Variants in SGCD observed in about 807,000 individuals in gnomAD.
The protein encoded by SGCD is delta-sarcoglycan.
A neutral mutation model predicts 36.6 loss-of-function variants in SGCD; 18 were observed. That is an observed-to-expected ratio of 0.49 (90% confidence interval 0.34 to 0.73). The LOEUF (loss-of-function observed/expected upper bound fraction) is 0.73. SGCD is among the 30% of genes least tolerant of loss of function. The probability of loss-of-function intolerance (pLI) is 0.01; values close to 1 mark genes in which losing one functional copy is unlikely to be tolerated. For synonymous variants in SGCD, 133 were observed against 130.6 expected (o/e 1.02, Z -0.12); for missense variants, 387 against 346.7 (o/e 1.12, Z -0.92).
chr5:155,878,932 T>A (rs1293736761), intron 1 of SGCD, among the ~76,000 whole-genome samples: 1 of 152,148 alleles, frequency 6.6e-6, no homozygotes, highest in Non-Finnish European at 1.5e-5. Flanking sequence ...TTGGCTTTGT[T>A]TGTTAGCGTC....
intron 1 of SGCD, among the ~76,000 whole-genome samples, chr5:155,931,596 G>C (rs909136190): frequency 3.3e-5 from 5 of 152,256 alleles, no homozygotes; most frequent in African/African-American, 4.8e-5. Context: ...TTGAACATGT[G>C]TTTCTGGTAT....
chr5:156,690,171 C>T (rs556698369), intron 7 of SGCD, among the ~76,000 whole-genome samples: 1 of 152,218 alleles, frequency 6.6e-6, no homozygotes, highest in East Asian at 1.9e-4. Context: ...CTATACTAGC[C>T]CTGTTCTACA....
At chr5:156,310,766 C>G (rs1439394378) in intron 3 of SGCD, among the ~76,000 whole-genome samples, 1 of 152,092 alleles carries the variant, frequency 6.6e-6, no homozygotes, top group Non-Finnish European at 1.5e-5. Context: ...ACTATGCAAT[C>G]CAGTGTTCAA....
intron 2 of SGCD, among the ~76,000 whole-genome samples, chr5:156,332,971 C>CAT (rs1322234942): frequency 2.0e-5 from 3 of 152,136 alleles, no homozygotes; most frequent in Non-Finnish European, 4.4e-5. Context: ...GATGTACATA[C>CAT]ATATATACAT....
At chr5:155,874,096 T>C (rs1755714605) in intron 1 of SGCD, among the ~76,000 whole-genome samples, 1 of 152,162 alleles carries the variant, frequency 6.6e-6, no homozygotes, top group African/African-American at 2.4e-5. Flanking sequence ...TATACAATGT[T>C]GCACTTTTTC....
chr5:156,606,964 C>T (rs979785257), intron 6 of SGCD, among the ~76,000 whole-genome samples: 1 of 152,176 alleles, frequency 6.6e-6, no homozygotes, highest in African/African-American at 2.4e-5. Flanking sequence ...ATGGGGTTTT[C>T]TGGATATACA....
intron 3 of SGCD, among the ~76,000 whole-genome samples, chr5:156,428,405 T>C (rs1315113528): frequency 6.6e-6 from 1 of 152,180 alleles, no homozygotes; most frequent in East Asian, 1.9e-4. Context: ...CATTTCTAAT[T>C]GAGCTTATTT....
At chr5:155,969,244 C>T (rs527443469) in intron 1 of SGCD, among the ~76,000 whole-genome samples, 37 of 152,130 alleles carry the variant, frequency 2.4e-4, no homozygotes, top group African/African-American at 8.2e-4. Flanking sequence ...ATTGACATGG[C>T]ATAGGTAGAC....
chr5:155,967,332 A>G (rs980413810), intron 1 of SGCD, among the ~76,000 whole-genome samples: 1 of 152,038 alleles, frequency 6.6e-6, no homozygotes, highest in African/African-American at 2.4e-5. Context: ...TGTCATAAGC[A>G]GAGGTAGAGG....
At chr5:156,274,470 T>A (rs975143712) in intron 3 of SGCD, among the ~76,000 whole-genome samples, 16 of 152,256 alleles carry the variant, frequency 1.1e-4, no homozygotes, top group South Asian at 6.2e-4. Context: ...AGTCATTTTT[T>A]AAAAAATTTT....
intron 7 of SGCD, among the ~76,000 whole-genome samples, chr5:156,651,533 C>A (rs935077330): frequency 6.6e-6 from 1 of 152,012 alleles, no homozygotes; most frequent in Non-Finnish European, 1.5e-5. Flanking sequence ...GCCAGATATC[C>A]CAGCACCATT....
intron 7 of SGCD, among the ~76,000 whole-genome samples, chr5:156,693,561 T>TG (rs567735543): frequency 6.1e-4 from 93 of 152,280 alleles, no homozygotes; most frequent in African/African-American, 2.2e-3. Flanking sequence ...AGATACCCAT[T>TG]TTATGTTAAA....
intron 1 of SGCD, among the ~76,000 whole-genome samples, chr5:155,941,644 T>C (rs1249261382): frequency 6.6e-6 from 1 of 151,868 alleles, no homozygotes; most frequent in East Asian, 1.9e-4. Flanking sequence ...TTAATTACAT[T>C]ACTATAGTAC....
At chr5:156,487,031 T>G (rs1755702421) in intron 3 of SGCD, among the ~76,000 whole-genome samples, 1 of 152,126 alleles carries the variant, frequency 6.6e-6, no homozygotes, top group African/African-American at 2.4e-5. Context: ...GCACACCACC[T>G]GGAGGCCTAA....
intron 3 of SGCD, among the ~76,000 whole-genome samples, chr5:156,226,071 G>T (rs1243956616): frequency 6.6e-6 from 1 of 151,990 alleles, no homozygotes; most frequent in South Asian, 2.1e-4. Context: ...TTTTTAATTT[G>T]TTTTTATTTC....
chr5:155,745,195 G>A, the SGCD span, among the ~76,000 whole-genome samples: 1 of 152,116 alleles, frequency 6.6e-6, no homozygotes, highest in Non-Finnish European at 1.5e-5. Context: ...AACTTGTAGA[G>A]ACTGCACTTA....
At chr5:155,879,771 G>T (rs548725933) in intron 1 of SGCD, among the ~76,000 whole-genome samples, 1 of 151,920 alleles carries the variant, frequency 6.6e-6, no homozygotes, top group African/African-American at 2.4e-5. Flanking sequence ...TATTAAAAAC[G>T]TTATTCTCAC....
intron 1 of SGCD, among the ~76,000 whole-genome samples, chr5:155,975,609 C>CTTTTTTTTTTTTTTTTTTTTTTTTTTTTT (rs763067309): frequency 3.6e-5 from 1 of 28,026 alleles, no homozygotes; most frequent in Admixed American, 5.9e-4. Flanking sequence ...TCTTTCTTTC[C>CTTTTTTTTTTTTTTTTTTTTTTTTTTTTT]TTTTTTTTTT....
the SGCD span, among the ~76,000 whole-genome samples, chr5:155,769,018 T>C: frequency 6.6e-6 from 1 of 151,990 alleles, no homozygotes; most frequent in African/African-American, 2.4e-5. Flanking sequence ...TAAATAACCA[T>C]CAATGGAAGA....
Sources: gnomAD v4.1 joint callset for allele counts (sites outside exome capture counted in the v4.1 genomes callset) on GRCh38, gnomAD v4.1.1 for gene constraint, MANE v1.5 for transcripts, NCBI Gene and HGNC (gene_info 2026-07-23, HGNC 2026-07-21) for gene names.